The following TMEM192 variants were observed in gnomAD, a reference collection of about 807,000 sequenced individuals.
TMEM192 encodes transmembrane protein 192.
TMEM192 carries 20 observed loss-of-function variants against 26.7 expected under a neutral mutation model. That is an observed-to-expected ratio of 0.75 (90% CI 0.53 to 1.09). TMEM192 has a LOEUF of 1.09. Among genes scored for constraint, TMEM192 ranks in the 50% least tolerant of loss-of-function variants. The pLI, the probability that TMEM192 is intolerant of heterozygous loss-of-function variation, is 0.00. For missense variants in TMEM192, 304 were observed against 322.6 expected (o/e 0.94, Z 0.44); for synonymous variants, 124 against 121.0 (o/e 1.02, Z -0.16).
chr4:165,090,213 GAAA>G (rs35732863), intron 3 of TMEM192, among the ~76,000 whole-genome samples: 28 of 52,068 alleles, frequency 5.4e-4, no homozygotes, highest in Non-Finnish European at 8.4e-4. Context: ...CTCCGTCTTG[GAAA>G]AAAAAAAAAA....
Position 165,094,063 on chromosome 4 carries a change from C to A in TMEM192, c.440-5461G>T, listed in dbSNP as rs547158158. ...TACAGGCACCTGCCACCATGCCTGG[C>A]TAATTTTTTGTATTTTTAGTAGAGA... On this transcript the variant is annotated intron_variant, in intron 3 of 5. Coordinates refer to ENST00000306480, the MANE Select transcript of TMEM192 (RefSeq NM_001100389.2). Among the ~76,000 whole-genome samples the A allele has an allele frequency of 1.9e-4, 29 of 152,270 alleles. No individual in the cohort carries two copies. The South Asian group carries it at 6.0e-3, about 32-fold the overall frequency.
At chr4:165,096,364 C>G (rs2110773054) in intron 3 of TMEM192, among the ~76,000 whole-genome samples, 1 of 151,716 alleles carries the variant, frequency 6.6e-6, no homozygotes, top group African/African-American at 2.4e-5. Flanking sequence ...GAGTTCATAC[C>G]ACTGCACTCC....
rs1216689120 is a variant in TMEM192, at chr4:165,085,658, G to A, written c.605C>T (p.Pro202Leu). ...VKIRRFNKAK[P>L]EPDILEEEKI... The stretch of plus-strand genomic sequence containing the variant: ...TTCTTCTTCAAGTATATCAGGCTCT[G>A]GTTTAGCTTTATTAAATCTCCGGAT... Residue 202 changes from proline to leucine, a missense_variant, in exon 5 of 6, where the codon CCA (proline) becomes CTA (leucine). Physicochemically the swap from Pro to Leu is moderately conservative, Grantham distance 98 (BLOSUM62 -3). Transcript: ENST00000306480. 3.7e-6 allele frequency: 6 copies of A among 1,609,832 alleles called. No homozygotes were observed. Among genetic ancestry groups the A allele is most frequent in the African/African-American group, 1.3e-5 (1 of 74,672 alleles).
Position 165,078,681 on chromosome 4 carries a change from A to C in TMEM192, c.*977T>G, listed in dbSNP as rs1310060152. ...AAATTCTTCTCTGAATTTTTCAGCT[A>C]TTGCTAATGGAAGGTGCTGCCAATA... is the stretch of plus-strand genomic sequence containing the variant. On this transcript the variant is annotated 3_prime_UTR_variant, in exon 6 of 6. Transcript: ENST00000306480. 1 of 152,246 alleles carries C rather than the reference A, an allele frequency of 6.6e-6. No homozygotes were observed. The highest frequency in any genetic ancestry group is 1.5e-5 in the Non-Finnish European group (1 of 68,044). 9.4% of individuals were successfully genotyped at this position (152,246 alleles called of 1,614,324 possible).
intron 1 of TMEM192, among the ~76,000 whole-genome samples, chr4:165,106,326 C>T (rs1376015488): frequency 6.6e-6 from 1 of 152,202 alleles, no homozygotes; most frequent in Non-Finnish European, 1.5e-5. Context: ...TTATTAGAAG[C>T]TTCCAGTCTT....
intron 1 of TMEM192, among the ~76,000 whole-genome samples, chr4:165,107,203 T>G (rs970506122): frequency 2.4e-4 from 36 of 151,986 alleles, no homozygotes; most frequent in Admixed American, 9.8e-4. Flanking sequence ...TTTTGTATTT[T>G]TAATAGAGAC....
Position 165,100,880 on chromosome 4 carries a change from C to A in TMEM192, c.187G>T (p.Val63Phe), listed in dbSNP as rs2110784520. 1 of 1,606,928 alleles carries A rather than the reference C, an allele frequency of 6.2e-7. No homozygotes were observed. Among genetic ancestry groups the A allele is most frequent in the South Asian group, 1.1e-5 (1 of 89,774 alleles). The change falls in exon 3 of 6, where the codon GTT (valine) becomes TTT (phenylalanine). Residue 63 changes from valine (V) to phenylalanine (F), a missense_variant. Val to Phe is a conservative substitution (Grantham distance 50, BLOSUM62 -1). Coordinates refer to ENST00000306480, the MANE Select transcript of TMEM192 (RefSeq NM_001100389.2). ...LLWFIHLVFVVLAFLTGVLCS... is the reference protein window; with the variant it reads ...LLWFIHLVFVFLAFLTGVLCS... ...AGCACACCTGTTAAAAATGCTAAAA[C>A]AACAAACACGAGCTGGGGGAAAGGA... is the stretch of plus-strand genomic sequence containing the variant.
chr4:165,085,022 C>T (rs1161747644), intron 5 of TMEM192, among the ~76,000 whole-genome samples: 1 of 152,024 alleles, frequency 6.6e-6, no homozygotes, highest in Non-Finnish European at 1.5e-5. Context: ...CGCCTGTGAT[C>T]CCAGCACTTT....
intron 2 of TMEM192, 27 bp downstream of exon 2, chr4:165,102,923 T>G: frequency 6.3e-7 from 1 of 1,594,834 alleles, no homozygotes; most frequent in Non-Finnish European, 8.5e-7. Flanking sequence ...CACCTCTGGA[T>G]AGGTCCCCTT....
rs1735329371 is a variant in TMEM192 at position 165,112,845 on chromosome 4, A to G, written c.-72T>C. ...CTGGACCTGTAAGCCTCTGGCCGCG[A>G]AACTCGCCACCTTCTGGGACCTGCC... On this transcript the variant is annotated 5_prime_UTR_variant, in exon 1 of 6. Coordinates refer to ENST00000306480, the MANE Select transcript of TMEM192 (RefSeq NM_001100389.2). 1 of 1,565,862 alleles carries G rather than the reference A, an allele frequency of 6.4e-7. No individual in the cohort carries two copies. The highest frequency in any genetic ancestry group is 8.6e-7 in the Non-Finnish European group (1 of 1,161,282).
intron 3 of TMEM192, among the ~76,000 whole-genome samples, chr4:165,098,277 A>C (rs1455839551): frequency 2.6e-5 from 4 of 151,290 alleles, no homozygotes; most frequent in Non-Finnish European, 4.4e-5. Flanking sequence ...GTTGCCCGCC[A>C]CCACGTTCAG....
At chr4:165,080,159 G>A (rs896467641) in intron 5 of TMEM192, among the ~76,000 whole-genome samples, 3 of 152,054 alleles carry the variant, frequency 2.0e-5, no homozygotes, top group Non-Finnish European at 4.4e-5. Context: ...ATCAGATGAC[G>A]ATTAAAATAG....
At chr4:165,112,597 C>T (rs1735320822) in intron 1 of TMEM192, 150 bp downstream of exon 1, 8 of 1,192,108 alleles carry the variant, frequency 6.7e-6, no homozygotes, top group Non-Finnish European at 9.4e-6. Context: ...AAGCCCCGCG[C>T]CCAGGCCTCC....
At chr4:165,108,642 G>A (rs1322975005) in intron 1 of TMEM192, among the ~76,000 whole-genome samples, 2 of 152,136 alleles carry the variant, frequency 1.3e-5, no homozygotes, top group African/African-American at 4.8e-5. Flanking sequence ...GGCCCTGTAT[G>A]GAGAAACTGT....
intron 1 of TMEM192, chr4:165,111,551 G>A (rs1484256374): frequency 1.3e-5 from 2 of 152,050 alleles, no homozygotes; most frequent in Non-Finnish European, 2.9e-5. Context: ...TTACATATTC[G>A]GTTTTTTCTG....
chr4:165,112,154 C>T (rs1735307133), intron 1 of TMEM192, among the ~76,000 whole-genome samples: 1 of 152,104 alleles, frequency 6.6e-6, no homozygotes, highest in African/African-American at 2.4e-5. Context: ...GTATTCCTAC[C>T]ATGCTAGATT....
At position 165,070,693 on chromosome 4, in the gene TMEM192, AT is replaced by A. The variant is rs950011686; in HGVS notation, c.*8964del. The A allele has an allele frequency of 9.2e-5, 14 of 152,204 alleles. No individual in the cohort carries two copies. Among genetic ancestry groups the A allele is most frequent in the African/African-American group, 3.4e-4 (14 of 41,452 alleles). The allele number at this position is 152,204 out of a possible 1,614,324, so 9.4% of individuals were successfully genotyped here. ...AACTTTTAAACAAGACCTTAAAAAA[AT>A]AATCTCTCAGTTCAGGACATCATAA... is the stretch of plus-strand genomic sequence containing the variant. On this transcript the variant is annotated 3_prime_UTR_variant, in exon 6 of 6. Transcript: ENST00000306480.
intron 1 of TMEM192, among the ~76,000 whole-genome samples, chr4:165,110,957 C>G (rs149957782): frequency 6.6e-6 from 1 of 152,304 alleles, no homozygotes; most frequent in East Asian, 1.9e-4. Context: ...GTAACTAAGG[C>G]ATGGTCCAAA....
Position 165,075,831 on chromosome 4 carries a change from G to C in TMEM192, c.*3827C>G, listed in dbSNP as rs1157461336. The C allele has an allele frequency of 2.6e-5, 4 of 152,196 alleles. No individual in the cohort carries two copies. Among genetic ancestry groups the C allele is most frequent in the Admixed American group, 6.5e-5 (1 of 15,268 alleles). 9.4% of individuals were successfully genotyped at this position (152,196 alleles called of 1,614,324 possible). ...GATCCACCCACCTTGGCCTCCCAAAGTGCTGGTATTACAGGCGTAAGCTAC... is the reference window on the plus strand; with the variant it reads ...GATCCACCCACCTTGGCCTCCCAAACTGCTGGTATTACAGGCGTAAGCTAC... On this transcript the variant is annotated 3_prime_UTR_variant, in exon 6 of 6. Coordinates refer to ENST00000306480, the MANE Select transcript of TMEM192 (RefSeq NM_001100389.2).
Sources: allele counts gnomAD v4.1 joint callset (sites outside exome capture counted in the v4.1 genomes callset), GRCh38; gene constraint gnomAD v4.1.1; transcripts MANE v1.5; gene names NCBI Gene and HGNC (gene_info 2026-07-23, HGNC 2026-07-21).